The following CHL1 variants were observed in gnomAD, a reference collection of about 807,000 sequenced individuals.
CHL1 encodes the protein cell adhesion molecule L1 like.
A neutral mutation model predicts 141.9 loss-of-function variants in CHL1; 96 were observed. The observed-to-expected ratio is 0.68, with a 90% CI of 0.57 to 0.80. The LOEUF (loss-of-function observed/expected upper bound fraction) is 0.80. CHL1 is among the 30% of genes least tolerant of loss of function. CHL1 has a pLI of 0.00. For synonymous variants in CHL1, 613 were observed against 502.2 expected (o/e 1.22, Z -2.95); for missense variants, 1,820 against 1,457.2 (o/e 1.25, Z -4.05).
intron 1 of CHL1, among the ~76,000 whole-genome samples, chr3:201,938 C>T (rs554638344): frequency 6.6e-6 from 1 of 152,310 alleles, no homozygotes; most frequent in Admixed American, 6.5e-5. Context: ...CCTTTTCAGA[C>T]TGTAAACTCC....
At chr3:267,334 A>G (rs1240839154) in intron 2 of CHL1, among the ~76,000 whole-genome samples, 1 of 152,210 alleles carries the variant, frequency 6.6e-6, no homozygotes, top group Non-Finnish European at 1.5e-5. Context: ...CCTTGCCCTC[A>G]TAGCAACTTC....
intron 1 of CHL1, among the ~76,000 whole-genome samples, chr3:225,299 G>A (rs1701212979): frequency 6.6e-6 from 1 of 152,204 alleles, no homozygotes; most frequent in African/African-American, 2.4e-5. Flanking sequence ...CACCCTCAGA[G>A]AGTGTACAGT....
At chr3:232,985 A>C (rs773264276) in intron 1 of CHL1, among the ~76,000 whole-genome samples, 18 of 151,602 alleles carry the variant, frequency 1.2e-4, no homozygotes, top group Non-Finnish European at 2.2e-4. Flanking sequence ...GGCAAAATCA[A>C]TCTGGTCCTT....
intron 1 of CHL1, among the ~76,000 whole-genome samples, chr3:209,620 T>C (rs1699730047): frequency 6.6e-6 from 1 of 152,164 alleles, no homozygotes; most frequent in African/African-American, 2.4e-5. Flanking sequence ...AACGTGCAGG[T>C]TTGTTACATA....
At chr3:197,652 G>T (rs1344711479) in intron 1 of CHL1, 1 of 360,232 alleles carries the variant, frequency 2.8e-6, no homozygotes, top group Non-Finnish European at 5.5e-6. Flanking sequence ...CGAAAATGCC[G>T]CCAGCCTGGA....
intron 15 of CHL1, among the ~76,000 whole-genome samples, chr3:372,347 T>G (rs543472310): frequency 6.6e-5 from 10 of 152,152 alleles, no homozygotes; most frequent in Admixed American, 1.3e-4. Context: ...ACACTGTATT[T>G]CAGCAAAGTG....
chr3:278,911 G>A (rs1696390736), intron 2 of CHL1, among the ~76,000 whole-genome samples: 1 of 152,148 alleles, frequency 6.6e-6, no homozygotes, highest in East Asian at 1.9e-4. Flanking sequence ...AATCCAGGAA[G>A]CATGAGTTTC....
At chr3:300,640 C>G (rs1241045911) in intron 2 of CHL1, among the ~76,000 whole-genome samples, 1 of 152,040 alleles carries the variant, frequency 6.6e-6, no homozygotes, top group African/African-American at 2.4e-5. Flanking sequence ...ATGAGCAAAG[C>G]CTGAATGTTT....
intron 6 of CHL1, 35 bp downstream of exon 6, chr3:340,951 C>T (rs1702301379): frequency 1.3e-6 from 2 of 1,577,702 alleles, no homozygotes; most frequent in African/African-American, 2.7e-5. Flanking sequence ...AAAAGGGGGA[C>T]ATTTTAATTC....
At chr3:293,256 C>T (rs1263249981) in intron 2 of CHL1, among the ~76,000 whole-genome samples, 1 of 152,136 alleles carries the variant, frequency 6.6e-6, no homozygotes, top group African/African-American at 2.4e-5. Context: ...AATCCTAGCA[C>T]TTTGGGAGGC....
rs779167492 is a variant in CHL1, at chr3:389,468, G to C, written c.2464G>C (p.Glu822Gln). Residue 822 changes from glutamate (E) to glutamine (Q), a missense_variant, in exon 20 of 28, where the codon GAA becomes CAA. By Grantham distance (29) the Glu-to-Gln change is conservative. Transcript: ENST00000256509. ...TCAGTCAGTGACTCTCTATTCTGGA[G>C]AAGACTGTAAGTGATGCACCTAAAA... ...DPQSVTLYSG[E>Q]DYPDTAPVIH... 5 of 1,613,342 alleles carry C rather than the reference G, an allele frequency of 3.1e-6. No homozygotes were observed. Among genetic ancestry groups the C allele is most frequent in the Non-Finnish European group, 3.4e-6 (4 of 1,179,474 alleles).
intron 15 of CHL1, chr3:373,954 C>A (rs1057290124): frequency 6.6e-6 from 1 of 152,324 alleles, no homozygotes; most frequent in Admixed American, 6.5e-5. Flanking sequence ...AACCTGGATA[C>A]CTTGGTTGCC....
At chr3:224,119 C>T (rs1163258079) in intron 1 of CHL1, among the ~76,000 whole-genome samples, 1 of 152,076 alleles carries the variant, frequency 6.6e-6, no homozygotes. Flanking sequence ...AGTTCAGGCC[C>T]CTCCCATAAT....
chr3:382,132 G>T (rs1707120155), intron 16 of CHL1, 47 bp from the exon 17 acceptor site: 3 of 1,528,392 alleles, frequency 2.0e-6, no homozygotes, highest in Non-Finnish European at 9.0e-7. Context: ...AAGGGAATCA[G>T]GTAAACAAAG....
chr3:294,157 C>A (rs331895), intron 2 of CHL1, among the ~76,000 whole-genome samples: 85,798 of 151,550 alleles, frequency 0.57, 26,789 homozygotes, highest in African/African-American at 0.84. Context: ...TGTCTCTATA[C>A]AAAATTCAAA....
At chr3:208,889 A>G (rs1289547655) in intron 1 of CHL1, among the ~76,000 whole-genome samples, 2 of 152,250 alleles carry the variant, frequency 1.3e-5, no homozygotes, top group Non-Finnish European at 2.9e-5. Context: ...ATTTATTTTG[A>G]TCTATATAGA....
chr3:348,580 C>A (rs1702962305), intron 9 of CHL1, among the ~76,000 whole-genome samples: 1 of 152,160 alleles, frequency 6.6e-6, no homozygotes, highest in Admixed American at 6.5e-5. Flanking sequence ...ACTCCCCAGT[C>A]CTTTTTTCCT....
At chr3:229,044 G>C (rs921638161) in intron 1 of CHL1, among the ~76,000 whole-genome samples, 1 of 152,148 alleles carries the variant, frequency 6.6e-6, no homozygotes, top group Non-Finnish European at 1.5e-5. Flanking sequence ...ATTGCTGATA[G>C]GTTAGTTTAC....
chr3:276,223 A>G (rs572333817), intron 2 of CHL1, among the ~76,000 whole-genome samples: 6 of 152,196 alleles, frequency 3.9e-5, no homozygotes, highest in Non-Finnish European at 8.8e-5. Flanking sequence ...CTATATTAAA[A>G]GTATTATATT....
Sources: allele counts gnomAD v4.1 joint callset (sites outside exome capture counted in the v4.1 genomes callset), GRCh38; gene constraint gnomAD v4.1.1; transcripts MANE v1.5; gene names NCBI Gene and HGNC (gene_info 2026-07-23, HGNC 2026-07-21).